Variants in KRT76 observed in about 807,000 individuals in gnomAD.
KRT76 encodes the protein keratin 76.
Under a neutral mutation model 44.9 loss-of-function variants are expected in KRT76, and 47 were observed. The observed-to-expected ratio is 1.05, with a 90% confidence interval of 0.83 to 1.33. The LOEUF (loss-of-function observed/expected upper bound fraction) is 1.33. Ranked by LOEUF, KRT76 falls within the 40% of genes most tolerant of loss-of-function variation. The pLI, the probability that KRT76 is intolerant of heterozygous loss-of-function variation, is 0.00. For missense variants in KRT76, 860 were observed against 775.8 expected (o/e 1.11, Z -1.29); for synonymous variants, 331 against 294.1 (o/e 1.13, Z -1.28).
rs1206028842 is a variant in KRT76 at position 52,772,916 on chromosome 12, G to C, written c.877-38C>G. 4 of 1,458,758 alleles carry C rather than the reference G, an allele frequency of 2.7e-6. No individual in the cohort carries two copies. In the Admixed American group the frequency reaches 5.0e-5, roughly 18 times the overall value. 90.4% of individuals were successfully genotyped at this position (1,458,758 alleles called of 1,614,324 possible). A position where few individuals can be genotyped will look rare whatever the true frequency, so the allele number is the denominator to read the frequency against. On this transcript the variant is annotated intron_variant, in intron 3 of 8. Coordinates refer to ENST00000332411, the MANE Select transcript of KRT76 (RefSeq NM_015848.4). Reference sequence around the variant, plus strand: ...TCAGAAACCCAGAGAATGACCCTCTGTTCCCCTCCCACCCAGTGGCTCTTT... The same window carrying C: ...TCAGAAACCCAGAGAATGACCCTCTCTTCCCCTCCCACCCAGTGGCTCTTT...
rs762761589 is a variant in KRT76 at position 52,777,286 on chromosome 12, G to C, written c.6C>G (p.Asn2Lys). ...TGAAGGATTTCTTGCAAACTTGTCT[G>C]TTCATAGTGAGAGAGCTTGGAGGCA... The part of the protein sequence containing the change: M[N>K]RQVCKKSFSG... Residue 2 changes from asparagine to lysine, a missense_variant, in exon 1 of 9, where the codon AAC (asparagine) becomes AAG (lysine). Coordinates refer to ENST00000332411, the MANE Select transcript of KRT76 (RefSeq NM_015848.4). 6.2e-7 allele frequency: 1 copy of C among 1,614,130 alleles called. No homozygotes were observed. Among genetic ancestry groups the C allele is most frequent in the Non-Finnish European group, 8.5e-7 (1 of 1,180,020 alleles).
chr12:52,773,591 C>G lies in KRT76; in HGVS notation c.867G>C (p.Gly289=), dbSNP rs777325671. 1.2e-6 allele frequency: 2 copies of G among 1,612,484 alleles called. No homozygotes were observed. The highest frequency in any genetic ancestry group is 2.2e-5 in the South Asian group (2 of 90,880). Residue 289 remains glycine (G), a synonymous_variant, in exon 3 of 9, where the codon GGG becomes GGC. Coordinates refer to ENST00000332411, the MANE Select transcript of KRT76 (RefSeq NM_015848.4). ...KRTAAENEFV[G]LKKDVDAAFM... ...GTCCAGGCTCACCTACCTTCTTGAG[C>G]CCCACAAACTCATTCTCTGCGGCAG...
Position 52,773,586 on chromosome 12 carries a change from T to C in KRT76, c.872A>G (p.Lys291Arg), listed in dbSNP as rs199813919. ...TAAENEFVGL[K>R]KDVDAAFMNK... is the part of the protein sequence containing the mutation. Reference sequence around the variant, plus strand: ...TGCTGGTCCAGGCTCACCTACCTTCTTGAGCCCCACAAACTCATTCTCTGC... The same window carrying C: ...TGCTGGTCCAGGCTCACCTACCTTCCTGAGCCCCACAAACTCATTCTCTGC... Residue 291 changes from lysine to arginine, a missense_variant, in exon 3 of 9, where the codon AAG (lysine) becomes AGG (arginine). Transcript: ENST00000332411. 4.3e-6 allele frequency: 7 copies of C among 1,612,358 alleles called. No individual in the cohort carries two copies. The highest frequency in any genetic ancestry group is 2.2e-5 in the East Asian group (1 of 44,878).
At chr12:52,776,557 CT>C (rs1374142683) in intron 1 of KRT76, 134 bp downstream of exon 1, 7 of 1,419,154 alleles carry the variant, frequency 4.9e-6, no homozygotes, top group Non-Finnish European at 6.8e-6. Flanking sequence ...GATCACTGTC[CT>C]GTAGGGACCA....
At position 52,776,932 on chromosome 12, in the gene KRT76, A is replaced by T. The variant is rs1026907404; in HGVS notation, c.360T>A (p.Gly120=). The T allele has an allele frequency of 8.7e-6, 14 of 1,613,508 alleles. No individual in the cohort carries two copies. In the African/African-American group the frequency reaches 1.9e-4, roughly 22 times the overall value. The part of the protein sequence containing the change: ...RGVGSGFGGA[G]GFGGAGGFGG... ...CAAAGCCACCAGCTCCACCAAAGCC[A>T]CCAGCCCCTCCAAAACCACTACCTA... The change falls in exon 1 of 9, where the codon GGT becomes GGA. Residue 120 remains glycine, a synonymous_variant. Coordinates refer to ENST00000332411, the MANE Select transcript of KRT76 (RefSeq NM_015848.4).
chr12:52,768,458 A>T lies in KRT76; in HGVS notation c.*255T>A. 1 of 447,122 alleles carries T rather than the reference A, an allele frequency of 2.2e-6. No homozygotes were observed. Among genetic ancestry groups the T allele is most frequent in the Non-Finnish European group, 4.0e-6 (1 of 249,292 alleles). The allele number at this position is 447,122 out of a possible 1,614,324, so 27.7% of individuals were successfully genotyped here. A position where few individuals can be genotyped will look rare whatever the true frequency, so the allele number is the denominator to read the frequency against. On this transcript the variant is annotated 3_prime_UTR_variant, in exon 9 of 9. Transcript: ENST00000332411. ...TGAAGGCCAAAACTGGCTTGGGCTC[A>T]GGGGTTGCTGTCCAAAGTAAGGGGC...
At chr12:52,771,319 T>G in intron 6 of KRT76, 100 bp from the exon 7 acceptor site, 1 of 1,167,584 alleles carries the variant, frequency 8.6e-7, no homozygotes, top group Admixed American at 2.0e-5. Context: ...CTTCCTCCCT[T>G]TCCTTAGAAA....
In KRT76 at chr12:52,772,191, C is replaced by A. The variant is rs1188468112; in HGVS notation, c.1040G>T (p.Cys347Phe). The change falls in exon 5 of 9, where the codon TGC (cysteine) becomes TTC (phenylalanine). Residue 347 changes from cysteine to phenylalanine, a missense_variant. Transcript: ENST00000332411. ...GGCAATGATGCTGCCCAGGTCCAGG[C>A]AGCGGTTGTTGTCCATGGACAGAAC... is the stretch of plus-strand genomic sequence containing the variant. ...SVVLSMDNNR[C>F]LDLGSIIAEV... 1 of 1,613,556 alleles carries A rather than the reference C, an allele frequency of 6.2e-7. No homozygotes were observed. The highest frequency in any genetic ancestry group is 1.7e-5 in the Admixed American group (1 of 60,000).
Position 52,769,573 on chromosome 12 carries a change from C to T in KRT76, c.1495G>A (p.Glu499Lys). 6.2e-7 allele frequency: 1 copy of T among 1,613,858 alleles called. No homozygotes were observed. The highest frequency in any genetic ancestry group is 1.1e-5 in the South Asian group (1 of 91,068). The change falls in exon 8 of 9, where the codon GAA becomes AAA. Residue 499 changes from glutamate to lysine, a missense_variant. By Grantham distance (56) the Glu-to-Lys change is moderately conservative (BLOSUM62 1). Coordinates refer to ENST00000332411, the MANE Select transcript of KRT76 (RefSeq NM_015848.4). ...LEGEECRMSG[E>K]CQSAVCISVV... ...CAAATGCACACGGCACTCTGACATTCTCCAGACATCCTGAAAAGGAAGAGG... is the reference window on the plus strand; with the variant it reads ...CAAATGCACACGGCACTCTGACATTTTCCAGACATCCTGAAAAGGAAGAGG...
At position 52,768,707 on chromosome 12, in the gene KRT76, A is replaced by G. The variant is rs1394761531; in HGVS notation, c.*6T>C. The stretch of plus-strand genomic sequence containing the variant: ...GCAGGTGGTTATAGAGATTTGGAAC[A>G]GTAGATCACTTGGTGGAGCTATGCT... On this transcript the variant is annotated 3_prime_UTR_variant, in exon 9 of 9. Coordinates refer to ENST00000332411, the MANE Select transcript of KRT76 (RefSeq NM_015848.4). 3 of 1,585,830 alleles carry G rather than the reference A, an allele frequency of 1.9e-6. No individual in the cohort carries two copies. The highest frequency in any genetic ancestry group is 2.6e-6 in the Non-Finnish European group (3 of 1,159,622).
At chr12:52,772,285 T>C in intron 4 of KRT76, 27 bp from the exon 5 acceptor site, 1 of 1,566,442 alleles carries the variant, frequency 6.4e-7, no homozygotes, top group Non-Finnish European at 8.7e-7. Flanking sequence ...TAGTTACTCT[T>C]ACCATCGCCT....
chr12:52,773,488 G>A, intron 3 of KRT76, 94 bp downstream of exon 3: 1 of 807,516 alleles, frequency 1.2e-6, no homozygotes, highest in Non-Finnish European at 2.1e-6. Context: ...CACAATATAA[G>A]GTCCCTGTGC....
chr12:52,771,816 C>T, intron 6 of KRT76, 55 bp downstream of exon 6: 3 of 1,577,536 alleles, frequency 1.9e-6, no homozygotes, highest in South Asian at 1.2e-5. Context: ...GCTTATGCTG[C>T]TTCTCTCCGG....
At chr12:52,775,335 A>T in intron 2 of KRT76, 53 bp downstream of exon 2, 2 of 1,530,234 alleles carry the variant, frequency 1.3e-6, no homozygotes, top group South Asian at 2.2e-5. Context: ...AATTAGGACC[A>T]CACCTCCCTG....
In KRT76 at chr12:52,771,159, C is replaced by T. The variant is rs1049857440; in HGVS notation, c.1324G>A (p.Asp442Asn). 9 of 1,614,070 alleles carry T rather than the reference C, an allele frequency of 5.6e-6. No homozygotes were observed. In the African/African-American group the frequency reaches 6.7e-5, roughly 12 times the overall value. ...AAGTCTTGGAGCTTGGCATTGGCGTCCTTGAGGGCCATCTCTCCACGCTGC... is the reference window on the plus strand; with the variant it reads ...AAGTCTTGGAGCTTGGCATTGGCGTTCTTGAGGGCCATCTCTCCACGCTGC... ...AEQRGEMALK[D>N]ANAKLQDLQT... Residue 442 changes from aspartate (D) to asparagine (N), a missense_variant, in exon 7 of 9, where the codon GAC becomes AAC. Coordinates refer to ENST00000332411, the MANE Select transcript of KRT76 (RefSeq NM_015848.4).
Position 52,771,952 on chromosome 12 carries a change from C to T in KRT76, c.1182G>A (p.Leu394=), listed in dbSNP as rs558325666. The change falls in exon 6 of 9, where the codon CTG becomes CTA. Residue 394 remains leucine, a synonymous_variant. Transcript: ENST00000332411. ...CCATGATCTCACTCTTGGTGTTCCT[C>T]AGGTCATCCCCATGCCTGCCAGCTG... ...QTTAGRHGDD[L]RNTKSEIMEL... is the part of the protein sequence containing the mutation. 47 of 1,614,162 alleles carry T rather than the reference C, an allele frequency of 2.9e-5. No individual in the cohort carries two copies. In the South Asian group the frequency reaches 3.3e-4, roughly 11 times the overall value.
In KRT76 at chr12:52,777,344, A is replaced by T. The variant is rs1305161171; in HGVS notation, c.-53T>A. ...GATCACTTAGCAAGAGCTGAGAGGG[A>T]TAGGGACAAGAGAGGAGACTGGCCT... is the stretch of plus-strand genomic sequence containing the variant. On this transcript the variant is annotated 5_prime_UTR_variant, in exon 1 of 9. Transcript: ENST00000332411. The T allele has an allele frequency of 8.7e-6, 14 of 1,607,834 alleles. No homozygotes were observed. The highest frequency in any genetic ancestry group is 1.1e-5 in the Non-Finnish European group (13 of 1,177,116).
intron 8 of KRT76, 87 bp from the exon 9 acceptor site, chr12:52,769,197 A>C: frequency 1.6e-6 from 1 of 621,582 alleles, no homozygotes; most frequent in South Asian, 1.9e-5. Context: ...CTGCTTGGCC[A>C]TGTGACTTCG....
intron 1 of KRT76, among the ~76,000 whole-genome samples, chr12:52,776,202 G>C (rs574915069): frequency 4.6e-5 from 7 of 152,268 alleles, no homozygotes; most frequent in African/African-American, 1.7e-4. Context: ...ACCCTCCTCT[G>C]CCCCAGCATG....
Sources: allele counts gnomAD v4.1 joint callset (sites outside exome capture counted in the v4.1 genomes callset), GRCh38; gene constraint gnomAD v4.1.1; transcripts MANE v1.5; gene names NCBI Gene and HGNC (gene_info 2026-07-23, HGNC 2026-07-21).